Variants in CELF2 observed in about 807,000 individuals in gnomAD.
CELF2 encodes CUGBP Elav-like family member 2, also known as CUG triplet repeat RNA-binding protein 2.
CELF2 carries 8 observed loss-of-function variants against 62.6 expected under a neutral mutation model. That is an observed-to-expected ratio of 0.13 (90% CI 0.07 to 0.23). The LOEUF (loss-of-function observed/expected upper bound fraction) is 0.23, where lower values mean the gene tolerates loss of function less well. Ranked by LOEUF, CELF2 falls within the 10% of genes least tolerant of loss-of-function variation. The probability of loss-of-function intolerance (pLI) is 1.00; values close to 1 mark genes in which losing one functional copy is unlikely to be tolerated. For missense variants in CELF2, 333 were observed against 671.0 expected, an observed-to-expected ratio of 0.50 and a Z score of 5.56; for synonymous variants, 258 against 250.0, an observed-to-expected ratio of 1.03 and a Z score of -0.30.
chr10:10,949,039 C>T (rs2048012545), intron 2 of CELF2, among the ~76,000 whole-genome samples: 1 of 152,128 alleles, frequency 6.6e-6, no homozygotes, highest in Non-Finnish European at 1.5e-5. Context: ...CAGCAGGTGA[C>T]AGCAGTATTT....
At chr10:10,717,278 G>T in the CELF2 span, among the ~76,000 whole-genome samples, 1 of 151,838 alleles carries the variant, frequency 6.6e-6, no homozygotes. Context: ...AAAATAATTT[G>T]TGCCCTGCCT....
the CELF2 span, among the ~76,000 whole-genome samples, chr10:10,735,738 G>A: frequency 1.3e-5 from 2 of 152,136 alleles, no homozygotes; most frequent in African/African-American, 4.8e-5. Context: ...GCATGGCTAT[G>A]GTGATAATAA....
At chr10:10,895,442 T>C (rs2133989238) in intron 1 of CELF2, among the ~76,000 whole-genome samples, 1 of 152,282 alleles carries the variant, frequency 6.6e-6, no homozygotes, top group South Asian at 2.1e-4. Context: ...TTCACCTTGT[T>C]GCTCATAGCA....
chr10:10,748,894 G>T, the CELF2 span, among the ~76,000 whole-genome samples: 1 of 152,110 alleles, frequency 6.6e-6, no homozygotes, highest in Admixed American at 6.6e-5. Context: ...TGGGTGAATT[G>T]GAAGCAGAGT....
upstream of CELF2, among the ~76,000 whole-genome samples, chr10:10,793,639 C>T (rs1192592174): frequency 6.6e-6 from 1 of 152,098 alleles, no homozygotes; most frequent in Non-Finnish European, 1.5e-5. Context: ...ACGAGAAGAC[C>T]GTATGGAATT....
Position 11,227,195 on chromosome 10 carries a change from C to T in CELF2, c.354+9688C>T, listed in dbSNP as rs2066928911. Among the ~76,000 whole-genome samples, 1 of 152,228 alleles carries T rather than the reference C, an allele frequency of 6.6e-6. No homozygotes were observed. The highest frequency in any genetic ancestry group is 2.4e-5 in the African/African-American group (1 of 41,460). ...TCATCACACCCTCCTGCCCTGAAAACTCCTGGAGGCCTTTAGAAAGGAACT... is the reference window on the plus strand; with the variant it reads ...TCATCACACCCTCCTGCCCTGAAAATTCCTGGAGGCCTTTAGAAAGGAACT... On this transcript the variant is annotated intron_variant, in intron 3 of 12. Transcript: ENST00000633077. This position sits in a 1 kb window ranked among gnomAD's most constrained non-coding sequence, Gnocchi z 4.8.
intron 1 of CELF2, among the ~76,000 whole-genome samples, chr10:11,118,267 G>C (rs1389807426): frequency 6.6e-6 from 1 of 151,940 alleles, no homozygotes; most frequent in Non-Finnish European, 1.5e-5. Context: ...CTGAACCCAA[G>C]GCTTGGTGTA....
At position 11,306,994 on chromosome 10, in the gene CELF2, T is replaced by TGC. The variant is rs898972322; in HGVS notation, c.977-7143_977-7142dup. Among the ~76,000 whole-genome samples the TGC allele has an allele frequency of 6.6e-6, 1 of 152,322 alleles. No homozygotes were observed. The highest frequency in any genetic ancestry group is 2.1e-4 in the South Asian group (1 of 4,832). On this transcript the variant is annotated intron_variant, in intron 9 of 12. Coordinates refer to ENST00000633077, the MANE Select transcript of CELF2 (RefSeq NM_001326342.2). The surrounding 1 kb of genome is among the most constrained non-coding windows in gnomAD (Gnocchi z 4.4). ...TAGGCTGCCCCATGCTCATAGGCTG[T>TGC]GCGTGTATCTGTGCCTAAGGAGTTC...
the CELF2 span, among the ~76,000 whole-genome samples, chr10:10,611,117 A>G: frequency 6.6e-6 from 1 of 152,124 alleles, no homozygotes; most frequent in Non-Finnish European, 1.5e-5. Flanking sequence ...TGTCACATGT[A>G]TTCCTCTGTA....
the CELF2 span, among the ~76,000 whole-genome samples, chr10:10,721,902 C>T: frequency 6.6e-6 from 1 of 152,212 alleles, no homozygotes; most frequent in Non-Finnish European, 1.5e-5. Context: ...AATTAATGAG[C>T]ATCTTCATCT....
the CELF2 span, among the ~76,000 whole-genome samples, chr10:10,621,102 G>T: frequency 3.3e-5 from 5 of 149,598 alleles, no homozygotes; most frequent in East Asian, 5.9e-4. Context: ...TAATTAGCCA[G>T]GCATGGTGGC....
At chr10:11,195,093 G>A (rs965984533) in intron 2 of CELF2, among the ~76,000 whole-genome samples, 2 of 152,200 alleles carry the variant, frequency 1.3e-5, no homozygotes, top group African/African-American at 4.8e-5. Flanking sequence ...GGAAGCTGTA[G>A]AAATCTATGA....
chr10:10,633,146 A>G, the CELF2 span, among the ~76,000 whole-genome samples: 1 of 152,184 alleles, frequency 6.6e-6, no homozygotes, highest in East Asian at 1.9e-4. Context: ...CTTTTGGGCT[A>G]TGCTTAGACC....
the CELF2 span, among the ~76,000 whole-genome samples, chr10:10,556,938 T>G: frequency 5.7e-5 from 8 of 141,262 alleles, no homozygotes; most frequent in Non-Finnish European, 1.1e-4. Context: ...TATTAGCCCT[T>G]TGTCAGATGA....
Position 10,864,238 on chromosome 10 carries a change from G to A in CELF2, c.54-55726G>A, listed in dbSNP as rs139287480. ...CTAAGCAAATCACTTTAACATCAGG[G>A]CATTTTTTTTTTTCATTTCTTCACC... On this transcript the variant is annotated intron_variant, in intron 1 of 13. Transcript: ENST00000636488. Among the ~76,000 whole-genome samples the A allele has an allele frequency of 1.8e-3, 274 of 149,380 alleles. 1 individual carries two copies. The highest frequency in any genetic ancestry group is 6.2e-3 in the African/African-American group (253 of 40,568).
chr10:11,121,853 G>T (rs2057817244), intron 1 of CELF2, among the ~76,000 whole-genome samples: 1 of 152,152 alleles, frequency 6.6e-6, no homozygotes, highest in Non-Finnish European at 1.5e-5. Context: ...CATGCTCAAA[G>T]AAATGCTCTG....
At chr10:10,899,465 C>G (rs1034723311) in intron 1 of CELF2, among the ~76,000 whole-genome samples, 1 of 152,108 alleles carries the variant, frequency 6.6e-6, no homozygotes, top group African/African-American at 2.4e-5. Flanking sequence ...CAACCTAGAT[C>G]AGGGGTGAAC....
chr10:10,671,936 G>A, the CELF2 span, among the ~76,000 whole-genome samples: 1 of 151,988 alleles, frequency 6.6e-6, no homozygotes, highest in African/African-American at 2.4e-5. Flanking sequence ...CCCCATGTTG[G>A]CCAGGCTGGT....
chr10:10,887,230 T>C (rs1392581050), intron 1 of CELF2, among the ~76,000 whole-genome samples: 1 of 152,180 alleles, frequency 6.6e-6, no homozygotes, highest in African/African-American at 2.4e-5. Context: ...CGTAAGCATT[T>C]CTGACAGTCA....
Sources: gnomAD v4.1 joint callset for allele counts (sites outside exome capture counted in the v4.1 genomes callset) on GRCh38, gnomAD v4.1.1 for gene constraint, Gnocchi (gnomAD v3.1) non-coding constraint, MANE v1.5 for transcripts, NCBI Gene and HGNC (gene_info 2026-07-23, HGNC 2026-07-21) for gene names.